The following ARPIN variants were observed in gnomAD, a reference collection of about 807,000 sequenced individuals.
ARPIN encodes the protein actin related protein 2/3 complex inhibitor.
In ARPIN, 23 loss-of-function variants were observed where a neutral mutation model predicts 25.9. The ratio of observed to expected loss-of-function variants is 0.89; its 90% CI spans 0.64 to 1.26. The LOEUF (loss-of-function observed/expected upper bound fraction) is 1.26. Among genes scored for constraint, ARPIN ranks in the 50% most tolerant of loss-of-function variants. ARPIN has a pLI of 0.00. For missense variants in ARPIN, 333 were observed against 312.2 expected, an observed-to-expected ratio of 1.07 and a Z score of -0.50; for synonymous variants, 126 against 131.4, an observed-to-expected ratio of 0.96 and a Z score of 0.28.
In ARPIN at chr15:89,898,113, CAAA is replaced by C. The variant is rs1455444738; in HGVS notation, c.*3679_*3681del. On this transcript the variant is annotated 3_prime_UTR_variant, in exon 6 of 6. Transcript: ENST00000357484. ...GGGCAACAAGAGCGAAATTCCATCT[CAAA>C]AAAAAAAAAAAGAAAGAAAGAAAAT... 2 of 106,458 alleles carry C rather than the reference CAAA, an allele frequency of 1.9e-5. No homozygotes were observed. Among genetic ancestry groups the C allele is most frequent in the Non-Finnish European group, 2.0e-5 (1 of 50,150 alleles). The allele number at this position is 106,458 out of a possible 1,614,324, so 6.6% of individuals were successfully genotyped here.
chr15:89,912,466 A>G (rs1210852408), intron 1 of ARPIN: 2 of 1,242,888 alleles, frequency 1.6e-6, no homozygotes, highest in African/African-American at 3.1e-5. Flanking sequence ...CGTGAGGCGA[A>G]GCCCAGCCTT....
intron 3 of ARPIN, among the ~76,000 whole-genome samples, chr15:89,905,024 CTTTTT>C (rs34676869): frequency 7.2e-6 from 1 of 139,304 alleles, no homozygotes; most frequent in East Asian, 2.1e-4. Context: ...CCTGTCAACC[CTTTTT>C]TTTTTTTTTT....
At position 89,912,845 on chromosome 15, in the gene ARPIN, C is replaced by A; in HGVS notation, c.-10G>T. ...GGTAGATGCGGCTCATTCTCCCGACCGCCCGGGCACCCCGGCACAGAGCCG... is the reference window on the plus strand; with the variant it reads ...GGTAGATGCGGCTCATTCTCCCGACAGCCCGGGCACCCCGGCACAGAGCCG... On this transcript the variant is annotated 5_prime_UTR_variant, in exon 1 of 6. Transcript: ENST00000357484. The A allele has an allele frequency of 6.6e-7, 1 of 1,517,920 alleles. No homozygotes were observed. Among genetic ancestry groups the A allele is most frequent in the Non-Finnish European group, 8.8e-7 (1 of 1,136,634 alleles). 94.0% of individuals were successfully genotyped at this position (1,517,920 alleles called of 1,614,324 possible).
chr15:89,912,666 C>CAA, intron 1 of ARPIN, 78 bp downstream of exon 1: 1 of 498,326 alleles, frequency 2.0e-6, no homozygotes, highest in Non-Finnish European at 2.6e-6. Flanking sequence ...ACCCGCATCC[C>CAA]ACCCCCCCAC....
At position 89,908,361 on chromosome 15, in the gene ARPIN, AT is replaced by A. The variant is rs2141925362; in HGVS notation, c.219del (p.Lys73AsnfsTer19). On this transcript the variant is annotated frameshift_variant, in exon 3 of 6. Coordinates refer to ENST00000357484, the MANE Select transcript of ARPIN (RefSeq NM_182616.4). LOFTEE classifies it high-confidence loss of function. ...TCGATTTCATTTCCCTTGGCGTCGA[AT>A]TTACGGCGATGGATGTGACTGGGCC... is the stretch of plus-strand genomic sequence containing the variant. ...YIRPSHIHRR[K>X]FDAKGNEIEP... is the part of the protein sequence containing the mutation. 6.2e-7 allele frequency: 1 copy of A among 1,614,120 alleles called. No individual in the cohort carries two copies. Among genetic ancestry groups the A allele is most frequent in the Non-Finnish European group, 8.5e-7 (1 of 1,180,026 alleles).
chr15:89,903,523 G>A (rs1897062212), intron 4 of ARPIN, 144 bp from the exon 5 acceptor site: 9 of 1,435,654 alleles, frequency 6.3e-6, no homozygotes, highest in Admixed American at 4.5e-5. Context: ...GCCCCTGGGT[G>A]GGACCCCCAA....
intron 2 of ARPIN, among the ~76,000 whole-genome samples, chr15:89,909,117 T>C (rs926558025): frequency 6.6e-6 from 1 of 152,204 alleles, no homozygotes; most frequent in Non-Finnish European, 1.5e-5. Flanking sequence ...GCAGCCACTC[T>C]GCCCCTTCCA....
chr15:89,904,835 T>C (rs945451485), intron 3 of ARPIN, among the ~76,000 whole-genome samples: 1 of 152,172 alleles, frequency 6.6e-6, no homozygotes, highest in African/African-American at 2.4e-5. Context: ...ATTCATGGTG[T>C]ACAACCTCAG....
chr15:89,903,438 C>G (rs1897060027), intron 4 of ARPIN, 59 bp from the exon 5 acceptor site: 2 of 1,604,870 alleles, frequency 1.2e-6, no homozygotes, highest in Admixed American at 1.7e-5. Flanking sequence ...ATAGTGAGGG[C>G]TGGGCCCATT....
At chr15:89,906,287 C>T (rs1897118690) in intron 3 of ARPIN, among the ~76,000 whole-genome samples, 1 of 152,110 alleles carries the variant, frequency 6.6e-6, no homozygotes, top group Non-Finnish European at 1.5e-5. Flanking sequence ...CTGCCCTGCA[C>T]CCTTGGTTAG....
At chr15:89,907,963 C>A (rs1480876982) in intron 3 of ARPIN, among the ~76,000 whole-genome samples, 3 of 152,238 alleles carry the variant, frequency 2.0e-5, no homozygotes. Flanking sequence ...ACAGAGACCG[C>A]CTAGGGCCTG....
intron 4 of ARPIN, 145 bp downstream of exon 4, chr15:89,903,632 T>G: frequency 7.2e-7 from 1 of 1,397,710 alleles, no homozygotes; most frequent in Non-Finnish European, 9.6e-7. Context: ...TGTGCAGGGA[T>G]TTAGGAGTAA....
In ARPIN at chr15:89,897,740, T is replaced by C. The variant is rs1234364247; in HGVS notation, c.*4055A>G. 1.3e-5 allele frequency: 2 copies of C among 152,214 alleles called. No individual in the cohort carries two copies. The highest frequency in any genetic ancestry group is 2.9e-5 in the Non-Finnish European group (2 of 68,046). 9.4% of individuals were successfully genotyped at this position (152,214 alleles called of 1,614,324 possible). On this transcript the variant is annotated 3_prime_UTR_variant, in exon 6 of 6. Transcript: ENST00000357484. ...ACTGAGTGAAACTATGAGTCTTTTT[T>C]TCCCCTTTAAATATATTTCCTAAAT...
chr15:89,909,699 G>A (rs1482510781), intron 2 of ARPIN, among the ~76,000 whole-genome samples: 1 of 152,210 alleles, frequency 6.6e-6, no homozygotes, highest in Non-Finnish European at 1.5e-5. Flanking sequence ...AAGGCAGGGG[G>A]ACAGGTGCAA....
chr15:89,907,962 G>A (rs1489503384), intron 3 of ARPIN, among the ~76,000 whole-genome samples: 1 of 152,218 alleles, frequency 6.6e-6, no homozygotes, highest in Non-Finnish European at 1.5e-5. Context: ...AACAGAGACC[G>A]CCTAGGGCCT....
At chr15:89,902,765 G>C (rs1357473677) in intron 5 of ARPIN, 10 of 734,266 alleles carry the variant, frequency 1.4e-5, no homozygotes, top group Non-Finnish European at 1.7e-5. Context: ...GATCAACGTG[G>C]GGACTGACTC....
intron 1 of ARPIN, among the ~76,000 whole-genome samples, chr15:89,911,422 C>T (rs550857816): frequency 1.3e-5 from 2 of 152,120 alleles, no homozygotes; most frequent in African/African-American, 2.4e-5. Context: ...GGAAGTGGAC[C>T]CCTGGCTTCT....
intron 3 of ARPIN, among the ~76,000 whole-genome samples, chr15:89,907,212 T>C (rs572348773): frequency 1.5e-4 from 23 of 151,720 alleles, no homozygotes; most frequent in Non-Finnish European, 2.2e-4. Context: ...GTATTACAGG[T>C]GCACGCCACC....
rs949959338 is a variant in ARPIN, at chr15:89,898,774, T to C, written c.*3021A>G. The C allele has an allele frequency of 3.9e-5, 6 of 152,200 alleles. No homozygotes were observed. The highest frequency in any genetic ancestry group is 1.4e-4 in the African/African-American group (6 of 41,448). 9.4% of individuals were successfully genotyped at this position (152,200 alleles called of 1,614,324 possible). On this transcript the variant is annotated 3_prime_UTR_variant, in exon 6 of 6. Coordinates refer to ENST00000357484, the MANE Select transcript of ARPIN (RefSeq NM_182616.4). ...ATCTGGGGAGTAATAGGATCCAGTCTAGCTTCCAAAAGCTGCCCCTACCAG... is the reference window on the plus strand; with the variant it reads ...ATCTGGGGAGTAATAGGATCCAGTCCAGCTTCCAAAAGCTGCCCCTACCAG...
Sources: allele counts gnomAD v4.1 joint callset (sites outside exome capture counted in the v4.1 genomes callset), GRCh38; gene constraint gnomAD v4.1.1; transcripts MANE v1.5; gene names NCBI Gene and HGNC (gene_info 2026-07-23, HGNC 2026-07-21).